Variants in STK10 observed in about 807,000 individuals in gnomAD.
STK10 encodes the protein serine/threonine kinase 10, also known as serine/threonine-protein kinase 10.
In STK10, 78 loss-of-function variants were observed where a neutral mutation model predicts 113.8. The observed-to-expected ratio is 0.69, with a 90% CI of 0.57 to 0.83. The LOEUF (loss-of-function observed/expected upper bound fraction) is 0.83, where lower values mean the gene tolerates loss of function less well. Ranked by LOEUF, STK10 falls within the 40% of genes least tolerant of loss-of-function variation. STK10 has a pLI of 0.00. For missense variants in STK10, 1,109 were observed against 1,280.1 expected (o/e 0.87, Z 2.04); for synonymous variants, 465 against 494.7 (o/e 0.94, Z 0.80).
chr5:172,119,874 T>A (rs182266346), intron 3 of STK10, among the ~76,000 whole-genome samples: 1,886 of 124,866 alleles, frequency 0.015, 24 homozygotes, highest in Non-Finnish European at 0.023. Flanking sequence ...AAAAAATAAA[T>A]AAATAAATAA....
rs527402184 is a variant in STK10 at position 172,113,402 on chromosome 5, T to C, written c.520+4079A>G. ...TCATCACTGCATGATTTCGTAAAGA[T>C]GATAAACCTCATGAGAAACCCAAGT... On this transcript the variant is annotated intron_variant, in intron 4 of 18. Coordinates refer to ENST00000176763, the MANE Select transcript of STK10 (RefSeq NM_005990.4). 2.0e-5 allele frequency among the ~76,000 whole-genome samples: 3 copies of C among 152,322 alleles called. No individual in the cohort carries two copies. In the South Asian group the frequency reaches 6.2e-4, roughly 32 times the overall value.
At chr5:172,138,829 A>T (rs531132664) in intron 2 of STK10, among the ~76,000 whole-genome samples, 2 of 151,978 alleles carry the variant, frequency 1.3e-5, no homozygotes, top group Non-Finnish European at 2.9e-5. Flanking sequence ...TGGCTAACAC[A>T]GTGAAACCCC....
intron 2 of STK10, among the ~76,000 whole-genome samples, chr5:172,154,488 C>T (rs1490523670): frequency 6.6e-6 from 1 of 152,196 alleles, no homozygotes; most frequent in East Asian, 1.9e-4. Flanking sequence ...CCCTCTTTAT[C>T]TACCCAGCTC....
chr5:172,076,039 A>T (rs1768296887), intron 12 of STK10, among the ~76,000 whole-genome samples: 1 of 152,054 alleles, frequency 6.6e-6, no homozygotes, highest in Non-Finnish European at 1.5e-5. Context: ...TAGATTTGTA[A>T]TCTGAATCCT....
chr5:172,109,005 G>T (rs942803900), intron 4 of STK10, among the ~76,000 whole-genome samples: 12 of 152,174 alleles, frequency 7.9e-5, no homozygotes, highest in African/African-American at 2.9e-4. Flanking sequence ...GGCTTGTCTT[G>T]AACTCCTAAC....
intron 2 of STK10, among the ~76,000 whole-genome samples, chr5:172,127,938 C>A (rs1181562162): frequency 6.6e-6 from 1 of 152,118 alleles, no homozygotes; most frequent in Non-Finnish European, 1.5e-5. Context: ...GATGGAGAAA[C>A]TGAGGCCAAA....
chr5:172,045,298 C>G, intron 18 of STK10: 1 of 590,740 alleles, frequency 1.7e-6, no homozygotes, highest in South Asian at 1.6e-5. Context: ...GAAAAAAAAG[C>G]AGATGCAAAT....
chr5:172,141,988 G>C (rs1769982330), intron 2 of STK10, among the ~76,000 whole-genome samples: 1 of 152,172 alleles, frequency 6.6e-6, no homozygotes, highest in African/African-American at 2.4e-5. Context: ...TCAGGCACCT[G>C]CCCTGTACCA....
At chr5:172,107,038 C>T (rs1474419340) in intron 5 of STK10, 2 of 404,338 alleles carry the variant, frequency 4.9e-6, no homozygotes, top group African/African-American at 4.2e-5. Flanking sequence ...CCGATGCCTA[C>T]CGCGAGATGG....
At chr5:172,151,284 G>C (rs1383352598) in intron 2 of STK10, among the ~76,000 whole-genome samples, 1 of 152,158 alleles carries the variant, frequency 6.6e-6, no homozygotes, top group Non-Finnish European at 1.5e-5. Context: ...GCAGGCAGGA[G>C]ACGGATTGCG....
Position 172,114,470 on chromosome 5 carries a change from TA to T in STK10, c.520+3010del, listed in dbSNP as rs1486866638. 258 of 42,692 alleles carry T rather than the reference TA, an allele frequency of 6.0e-3. 3 individuals are homozygous for T. The highest frequency in any genetic ancestry group is 0.026 in the African/African-American group (226 of 8,856). The allele number at this position is 42,692 out of a possible 1,614,324, so 2.6% of individuals were successfully genotyped here. A position where few individuals can be genotyped will look rare whatever the true frequency, so the allele number is the denominator to read the frequency against. ...AAAATTATATATATATATATATATATATATTTTTTTTTTTTTTTTTTTTTTT... is the reference window on the plus strand; with the variant it reads ...AAAATTATATATATATATATATATATTATTTTTTTTTTTTTTTTTTTTTTT... On this transcript the variant is annotated intron_variant, in intron 4 of 18. Coordinates refer to ENST00000176763, the MANE Select transcript of STK10 (RefSeq NM_005990.4).
chr5:172,164,711 T>C (rs1476327821), intron 1 of STK10, among the ~76,000 whole-genome samples: 1 of 152,104 alleles, frequency 6.6e-6, no homozygotes, highest in Non-Finnish European at 1.5e-5. Flanking sequence ...AGAGCCGTCT[T>C]AGGGAGTGGG....
chr5:172,082,375 T>C lies in STK10; in HGVS notation c.1940A>G (p.Asp647Gly), dbSNP rs201827364. 977 of 1,605,052 alleles carry C rather than the reference T, an allele frequency of 6.1e-4. 2 individuals carry two copies. The highest frequency in any genetic ancestry group is 7.4e-4 in the Non-Finnish European group (871 of 1,176,368). The change falls in exon 12 of 19, where the codon GAT becomes GGT. Residue 647 changes from aspartate (D) to glycine (G), a missense_variant. Physicochemically the swap from Asp to Gly is moderately conservative, Grantham distance 94. Transcript: ENST00000176763. The surrounding 1 kb of genome is among the most constrained non-coding windows in gnomAD (Gnocchi z 4.3). ...EEARRIRLEQDRDYTRFQEQL... is the reference protein window; with the variant it reads ...EEARRIRLEQGRDYTRFQEQL... ...CTCTTGGAACCTGGTGTAGTCCCGA[T>C]CCTGCTCCAGGCGGATCCGCCTGGC...
intron 7 of STK10, 101 bp from the exon 8 acceptor site, chr5:172,096,661 A>C: frequency 6.7e-7 from 1 of 1,493,876 alleles, no homozygotes; most frequent in Non-Finnish European, 9.1e-7. Context: ...GGCCAGCCTC[A>C]TTCCTGAGCA....
Position 172,087,786 on chromosome 5 carries a change from G to A in STK10, c.1685+2446C>T, listed in dbSNP as rs903464529. On this transcript the variant is annotated intron_variant, in intron 10 of 18. Transcript: ENST00000176763. ...TGGGACTACAGGCGCCCGCCACCGCGCCCGGCTAATTTTTTGTATTTTTAG... is the reference window on the plus strand; with the variant it reads ...TGGGACTACAGGCGCCCGCCACCGCACCCGGCTAATTTTTTGTATTTTTAG... Among the ~76,000 whole-genome samples the A allele has an allele frequency of 6.3e-5, 8 of 127,228 alleles. 1 individual carries two copies. The highest frequency in any genetic ancestry group is 2.0e-4 in the East Asian group (1 of 4,896). The allele number at this position is 127,228 out of a possible 152,430, so 83.5% of individuals were successfully genotyped here. A position where few individuals can be genotyped will look rare whatever the true frequency, so the allele number is the denominator to read the frequency against.
intron 13 of STK10, 125 bp from the exon 14 acceptor site, chr5:172,061,393 G>A: frequency 1.4e-6 from 2 of 1,382,636 alleles, no homozygotes; most frequent in Non-Finnish European, 1.9e-6. Context: ...AAAGAAATTG[G>A]TGGAGGAGAA....
At chr5:172,123,399 C>T (rs774291785) in intron 3 of STK10, among the ~76,000 whole-genome samples, 101 of 152,272 alleles carry the variant, frequency 6.6e-4, no homozygotes, top group Admixed American at 1.3e-3. Flanking sequence ...AGAACTGGGA[C>T]GGGAGCCAGA....
In STK10 at chr5:172,140,413, T is replaced by C. The variant is rs563905209; in HGVS notation, c.322-12992A>G. 8.5e-5 allele frequency among the ~76,000 whole-genome samples: 13 copies of C among 152,336 alleles called. No individual in the cohort carries two copies. The East Asian group carries it at 2.3e-3, about 27-fold the overall frequency. On this transcript the variant is annotated intron_variant, in intron 2 of 18. Transcript: ENST00000176763. ...CCTCAAAAATTAAAAACAGAACTAC[T>C]TGGCCAGGTGTGGTGGTGCATGCCT...
chr5:172,138,407 C>G (rs760372362), intron 2 of STK10, among the ~76,000 whole-genome samples: 1 of 152,138 alleles, frequency 6.6e-6, no homozygotes, highest in South Asian at 2.1e-4. Flanking sequence ...CAGGCATGAG[C>G]CACTGCGCCC....
Sources: gnomAD v4.1 joint callset for allele counts (sites outside exome capture counted in the v4.1 genomes callset) on GRCh38, gnomAD v4.1.1 for gene constraint, Gnocchi (gnomAD v3.1) non-coding constraint, MANE v1.5 for transcripts, NCBI Gene and HGNC (gene_info 2026-07-23, HGNC 2026-07-21) for gene names.